POU6F2: variants seen among roughly 807,000 people sequenced by gnomAD.
POU6F2 encodes the protein POU class 6 homeobox 2.
POU6F2 carries 31 observed loss-of-function variants against 71.3 expected under a neutral mutation model. That is an observed-to-expected ratio of 0.43 (90% confidence interval 0.33 to 0.59). The LOEUF (loss-of-function observed/expected upper bound fraction) is 0.59, where lower values mean the gene tolerates loss of function less well. POU6F2 is among the 20% of genes least tolerant of loss of function. The probability of loss-of-function intolerance (pLI) is 0.04; values close to 1 mark genes in which losing one functional copy is unlikely to be tolerated. For synonymous variants in POU6F2, 347 were observed against 355.7 expected, an observed-to-expected ratio of 0.98 and a Z score of 0.27; for missense variants, 783 against 856.8, an observed-to-expected ratio of 0.91 and a Z score of 1.07.
Position 39,016,553 on chromosome 7 carries a change from T to TC in POU6F2, c.105+38503dup, listed in dbSNP as rs564181438. Among the ~76,000 whole-genome samples, 243 of 146,438 alleles carry TC rather than the reference T, an allele frequency of 1.7e-3. 1 individual carries two copies. The highest frequency in any genetic ancestry group is 5.0e-3 in the East Asian group (25 of 4,964). On this transcript the variant is annotated intron_variant, in intron 1 of 9. Transcript: ENST00000518318. ...TTTAAAAGGTTAAAAACAATATAGC[T>TC]CCCCCCCCGCTTACAGTTCAGTAGA...
chr7:39,420,523 T>C (rs1297268675), intron 6 of POU6F2, among the ~76,000 whole-genome samples: 2 of 152,214 alleles, frequency 1.3e-5, no homozygotes, highest in African/African-American at 4.8e-5. Context: ...GACTGGTTCC[T>C]GAAATCCAGA....
In POU6F2 at chr7:39,454,725, T is replaced by A. The variant is rs868315810; in HGVS notation, c.1489+3024T>A. ...ATATATATATATATATATATATATA[T>A]ATAAAATAAGATATATATATATCTT... On this transcript the variant is annotated intron_variant, in intron 8 of 9. Coordinates refer to ENST00000518318, the MANE Select transcript of POU6F2 (RefSeq NM_001370959.1). Among the ~76,000 whole-genome samples the A allele has an allele frequency of 1.9e-3, 173 of 89,792 alleles. 2 individuals are homozygous for A. Among genetic ancestry groups the A allele is most frequent in the East Asian group, 3.2e-3 (11 of 3,436 alleles). 58.9% of individuals were successfully genotyped at this position (89,792 alleles called of 152,430 possible). A position where few individuals can be genotyped will look rare whatever the true frequency, so the allele number is the denominator to read the frequency against.
intron 1 of POU6F2, among the ~76,000 whole-genome samples, chr7:38,998,418 A>G (rs1788800410): frequency 6.6e-6 from 1 of 152,194 alleles, no homozygotes; most frequent in African/African-American, 2.4e-5. Context: ...CAATGAAAGG[A>G]GTTTCCCAAT....
chr7:39,050,741 A>G (rs796672800), intron 1 of POU6F2, among the ~76,000 whole-genome samples: 2 of 152,118 alleles, frequency 1.3e-5, no homozygotes, highest in African/African-American at 4.8e-5. Flanking sequence ...GCTATTCACC[A>G]TGTGCCCTAC....
chr7:39,194,855 G>A (rs1239039251), intron 2 of POU6F2, among the ~76,000 whole-genome samples: 1 of 152,030 alleles, frequency 6.6e-6, no homozygotes, highest in Non-Finnish European at 1.5e-5. Flanking sequence ...AGCAATTCTG[G>A]ACGTGCCACC....
intron 5 of POU6F2, among the ~76,000 whole-genome samples, chr7:39,403,301 G>A (rs1011186892): frequency 1.3e-5 from 2 of 152,202 alleles, no homozygotes; most frequent in African/African-American, 4.8e-5. Context: ...AGAACTTGAT[G>A]TATTCAAGGC....
intron 6 of POU6F2, among the ~76,000 whole-genome samples, chr7:39,428,285 CT>C (rs1370660741): frequency 2.0e-5 from 3 of 152,156 alleles, no homozygotes; most frequent in African/African-American, 4.8e-5. Flanking sequence ...ATGCTCTTAA[CT>C]CATTTAAGGA....
chr7:39,003,813 G>T (rs1420620106), intron 1 of POU6F2, among the ~76,000 whole-genome samples: 3 of 151,608 alleles, frequency 2.0e-5, no homozygotes, highest in Non-Finnish European at 4.4e-5. Flanking sequence ...CGTTACAATT[G>T]TTTTCAAAGA....
rs1374508936 is a variant in POU6F2 at position 39,468,003 on chromosome 7, T to A, written c.*3317T>A. ...GTTCATCAATGTTTTACCTCAGCAC[T>A]CTACTTGTACCCAGTTAATGACCAA... On this transcript the variant is annotated 3_prime_UTR_variant, in exon 10 of 10. Coordinates refer to ENST00000518318, the MANE Select transcript of POU6F2 (RefSeq NM_001370959.1). 1 of 152,086 alleles carries A rather than the reference T, an allele frequency of 6.6e-6. No homozygotes were observed. Among genetic ancestry groups the A allele is most frequent in the African/African-American group, 2.4e-5 (1 of 41,388 alleles). 9.4% of individuals were successfully genotyped at this position (152,086 alleles called of 1,614,324 possible).
intron 4 of POU6F2, among the ~76,000 whole-genome samples, chr7:39,309,653 A>G (rs1228396455): frequency 6.6e-6 from 1 of 152,250 alleles, no homozygotes; most frequent in Non-Finnish European, 1.5e-5. Context: ...TTTTAATTGC[A>G]TAAAACATGA....
chr7:39,223,013 T>G (rs1159616408), intron 4 of POU6F2, among the ~76,000 whole-genome samples: 1 of 152,228 alleles, frequency 6.6e-6, no homozygotes, highest in African/African-American at 2.4e-5. Flanking sequence ...CCACCAACAG[T>G]GCACAAGGAT....
chr7:39,310,615 T>C (rs1228395698), intron 4 of POU6F2, among the ~76,000 whole-genome samples: 2 of 152,254 alleles, frequency 1.3e-5, no homozygotes, highest in Non-Finnish European at 2.9e-5. Context: ...GTGTGTACTT[T>C]GTGATGCTAA....
At chr7:39,205,372 C>T (rs1014587784) in intron 3 of POU6F2, among the ~76,000 whole-genome samples, 2 of 152,124 alleles carry the variant, frequency 1.3e-5, no homozygotes, top group African/African-American at 4.8e-5. Context: ...GGGGGTAACA[C>T]ACTCTAATGC....
At chr7:39,144,236 TAA>T (rs1309559625) in intron 2 of POU6F2, among the ~76,000 whole-genome samples, 1 of 152,220 alleles carries the variant, frequency 6.6e-6, no homozygotes, top group East Asian at 1.9e-4. Context: ...TCACTTATGA[TAA>T]GAAGTATTGA....
At chr7:39,235,809 C>T (rs1438842808) in intron 4 of POU6F2, among the ~76,000 whole-genome samples, 1 of 152,166 alleles carries the variant, frequency 6.6e-6, no homozygotes, top group Non-Finnish European at 1.5e-5. Context: ...TGCCCATCAA[C>T]AGAGGACCTT....
chr7:39,199,611 G>T (rs988185573), intron 2 of POU6F2, among the ~76,000 whole-genome samples: 3 of 152,104 alleles, frequency 2.0e-5, no homozygotes, highest in Non-Finnish European at 4.4e-5. Context: ...AGTGTGGGAG[G>T]CTTGGTCCTC....
At chr7:39,140,079 C>T (rs969885229) in intron 2 of POU6F2, among the ~76,000 whole-genome samples, 19 of 152,202 alleles carry the variant, frequency 1.2e-4, no homozygotes, top group Non-Finnish European at 5.9e-5. Context: ...GATCTTGTTA[C>T]TTATCCCTCC....
At chr7:39,235,428 C>G (rs975313266) in intron 4 of POU6F2, among the ~76,000 whole-genome samples, 2 of 152,156 alleles carry the variant, frequency 1.3e-5, no homozygotes, top group African/African-American at 4.8e-5. Flanking sequence ...AGGTCACACA[C>G]CTGGTAATTG....
rs1788932059 is a variant in POU6F2 at position 39,460,840 on chromosome 7, G to A, written c.1658+125G>A. The A allele has an allele frequency of 8.4e-6, 10 of 1,188,936 alleles. No individual in the cohort carries two copies. The highest frequency in any genetic ancestry group is 2.6e-5 in the East Asian group (1 of 38,560). 73.6% of individuals were successfully genotyped at this position (1,188,936 alleles called of 1,614,324 possible). On this transcript the variant is annotated intron_variant, in intron 9 of 9. Transcript: ENST00000518318. The surrounding 1 kb of genome is among the most constrained non-coding windows in gnomAD (Gnocchi z 4.4). ...GCAGAGAGTGGGAACAAAGTTTGGG[G>A]GCAGCTATATGTTGGGATTGGTGAT...
Sources: gnomAD v4.1 joint callset for allele counts (sites outside exome capture counted in the v4.1 genomes callset) on GRCh38, gnomAD v4.1.1 for gene constraint, Gnocchi (gnomAD v3.1) non-coding constraint, MANE v1.5 for transcripts, NCBI Gene and HGNC (gene_info 2026-07-23, HGNC 2026-07-21) for gene names.